The following TMEM132B variants were observed in gnomAD, a reference collection of about 807,000 sequenced individuals.
TMEM132B encodes the protein transmembrane protein 132B.
TMEM132B carries 18 observed loss-of-function variants against 90.8 expected under a neutral mutation model. That is an observed-to-expected ratio of 0.20 (90% CI 0.14 to 0.29). The LOEUF is 0.29. Ranked by LOEUF, TMEM132B falls within the 10% of genes least tolerant of loss-of-function variation. TMEM132B has a pLI of 1.00. For synonymous variants in TMEM132B, 504 were observed against 523.3 expected (o/e 0.96, Z 0.50); for missense variants, 1,096 against 1,326.8 (o/e 0.83, Z 2.70).
chr12:125,416,961 A>G lies in TMEM132B; in HGVS notation c.1106+1284A>G, dbSNP rs1261159573. 2.6e-5 allele frequency among the ~76,000 whole-genome samples: 4 copies of G among 152,302 alleles called. No individual in the cohort carries two copies. The East Asian group carries it at 7.7e-4, about 29-fold the overall frequency. ...GCTTAGGTGCTTTCAGTTGCAAGTA[A>G]TAGAATATTTACCTCAAAGTGGCTG... On this transcript the variant is annotated intron_variant, in intron 3 of 8. Coordinates refer to ENST00000682704, the MANE Select transcript of TMEM132B (RefSeq NM_001366854.1).
chr12:125,574,891 A>G (rs1425348887), intron 4 of TMEM132B, among the ~76,000 whole-genome samples: 1 of 151,186 alleles, frequency 6.6e-6, no homozygotes, highest in Non-Finnish European at 1.5e-5. Context: ...ATGAAATGCC[A>G]GGACATATGG....
intron 1 of TMEM132B, among the ~76,000 whole-genome samples, chr12:125,243,032 T>TATATATATATATATACACAC (rs1215676534): frequency 4.4e-5 from 6 of 135,030 alleles, no homozygotes; most frequent in African/African-American, 1.1e-4. Flanking sequence ...TATATATATA[T>TATATATATATATATACACAC]ACACACACAC....
chr12:125,477,720 A>G (rs1210643122), intron 3 of TMEM132B, among the ~76,000 whole-genome samples: 1 of 151,644 alleles, frequency 6.6e-6, no homozygotes, highest in Non-Finnish European at 1.5e-5. Flanking sequence ...CCTGTCTGAC[A>G]GCTCTGAAGA....
intron 1 of TMEM132B, among the ~76,000 whole-genome samples, chr12:125,257,873 G>A (rs1874475615): frequency 6.6e-6 from 1 of 152,152 alleles, no homozygotes. Context: ...CTTCCCTAGG[G>A]CCTCTGGGGG....
At chr12:125,243,236 T>C (rs1874129647) in intron 1 of TMEM132B, among the ~76,000 whole-genome samples, 1 of 150,518 alleles carries the variant, frequency 6.6e-6, no homozygotes, top group East Asian at 2.0e-4. Flanking sequence ...CTCTGCCTCC[T>C]GAGTTCAAGG....
rs372066137 is a variant in TMEM132B, at chr12:125,234,436, C to G, written c.67+47570C>G. Among the ~76,000 whole-genome samples, 41 of 152,296 alleles carry G rather than the reference C, an allele frequency of 2.7e-4. No individual in the cohort carries two copies. The East Asian group carries it at 7.0e-3, about 26-fold the overall frequency. ...CCCGCTGAAACCAACTCATGATAGA[C>G]TACACAGTGGTTCTCCATGTGGGGT... On this transcript the variant is annotated intron_variant, in intron 1 of 8. Transcript: ENST00000682704.
chr12:125,378,394 C>T (rs1252036508), intron 2 of TMEM132B, among the ~76,000 whole-genome samples: 1 of 152,168 alleles, frequency 6.6e-6, no homozygotes, highest in East Asian at 1.9e-4. Context: ...CTCAGTCAAG[C>T]AGGGCCTTAG....
chr12:125,617,903 A>G (rs780605633), intron 5 of TMEM132B, among the ~76,000 whole-genome samples: 11 of 151,744 alleles, frequency 7.2e-5, no homozygotes, highest in Non-Finnish European at 1.5e-4. Context: ...GAGTTTATAT[A>G]TTAATAGTTG....
intron 1 of TMEM132B, among the ~76,000 whole-genome samples, chr12:125,289,886 C>T (rs1343375740): frequency 1.3e-5 from 2 of 152,200 alleles, no homozygotes; most frequent in Non-Finnish European, 2.9e-5. Context: ...CTCAAAAGTC[C>T]TCACCTTGGG....
At chr12:125,267,104 C>T (rs1241256652) in intron 1 of TMEM132B, among the ~76,000 whole-genome samples, 1 of 152,186 alleles carries the variant, frequency 6.6e-6, no homozygotes, top group Admixed American at 6.5e-5. Context: ...TCATGGAGAC[C>T]TCAACGTGCA....
intron 2 of TMEM132B, among the ~76,000 whole-genome samples, chr12:125,405,716 T>C (rs1024951943): frequency 1.3e-5 from 2 of 152,230 alleles, no homozygotes; most frequent in African/African-American, 4.8e-5. Context: ...GTGCCACAGA[T>C]TTCGCATTTG....
intron 1 of TMEM132B, among the ~76,000 whole-genome samples, chr12:125,230,468 G>T (rs1445500567): frequency 2.0e-5 from 3 of 149,098 alleles, no homozygotes; most frequent in Admixed American, 1.3e-4. Context: ...GGCATCTGTG[G>T]TTTTTTTTTT....
rs150593913 is a variant in TMEM132B, at chr12:125,406,584, C to T, written c.960-8947C>T. On this transcript the variant is annotated intron_variant, in intron 2 of 8. Transcript: ENST00000682704. This position sits in a 1 kb window ranked among gnomAD's most constrained non-coding sequence, Gnocchi z 8.3. ...TGAAACTCAAGAAATCCTCTTTAAA[C>T]GTCGGAGGACTGGGTGGATGATATG... Among the ~76,000 whole-genome samples, 133 of 152,314 alleles carry T rather than the reference C, an allele frequency of 8.7e-4. No individual in the cohort carries two copies. Among genetic ancestry groups the T allele is most frequent in the Middle Eastern group, 3.4e-3 (1 of 294 alleles).
In TMEM132B at chr12:125,653,874, AATG is replaced by A; in HGVS notation, c.2419_2421del (p.Asp807del). 6.2e-7 allele frequency: 1 copy of A among 1,614,184 alleles called. No homozygotes were observed. Among genetic ancestry groups the A allele is most frequent in the East Asian group, 2.2e-5 (1 of 44,878 alleles). On this transcript the variant is annotated inframe_deletion, in exon 9 of 9. Coordinates refer to ENST00000682704, the MANE Select transcript of TMEM132B (RefSeq NM_001366854.1). The stretch of plus-strand genomic sequence containing the variant: ...TAGTGATGAGCACCAAGGAGGCAGC[AATG>A]ATATTGAGGGCATAAATCGGGAATA...
chr12:125,332,759 T>C (rs35726539), intron 1 of TMEM132B, among the ~76,000 whole-genome samples: 1 of 152,170 alleles, frequency 6.6e-6, no homozygotes. Flanking sequence ...TTCACTAAAG[T>C]GGCTTCTCTT....
intron 3 of TMEM132B, among the ~76,000 whole-genome samples, chr12:125,471,600 G>A (rs1343605910): frequency 6.6e-6 from 1 of 152,194 alleles, no homozygotes; most frequent in African/African-American, 2.4e-5. Context: ...CTGACTGAAT[G>A]TGCTTTGTCT....
At chr12:125,539,072 T>C (rs1166567364) in intron 4 of TMEM132B, among the ~76,000 whole-genome samples, 1 of 152,152 alleles carries the variant, frequency 6.6e-6, no homozygotes, top group Non-Finnish European at 1.5e-5. Flanking sequence ...TCATCTATTC[T>C]CCACACCACA....
intron 5 of TMEM132B, among the ~76,000 whole-genome samples, chr12:125,606,561 A>G (rs1365087823): frequency 2.0e-5 from 3 of 152,216 alleles, no homozygotes; most frequent in African/African-American, 7.2e-5. Flanking sequence ...GTGCTTATAT[A>G]TGTGAGCATG....
intron 3 of TMEM132B, among the ~76,000 whole-genome samples, chr12:125,517,058 C>T (rs184397692): frequency 6.6e-6 from 1 of 152,306 alleles, no homozygotes; most frequent in East Asian, 1.9e-4. Flanking sequence ...ACTAAAGATA[C>T]CCAGGTAAAT....
Sources: gnomAD v4.1 joint callset for allele counts (sites outside exome capture counted in the v4.1 genomes callset) on GRCh38, gnomAD v4.1.1 for gene constraint, Gnocchi (gnomAD v3.1) non-coding constraint, MANE v1.5 for transcripts, NCBI Gene and HGNC (gene_info 2026-07-23, HGNC 2026-07-21) for gene names.